Variants in GSN observed in about 807,000 individuals in gnomAD.
GSN encodes the protein gelsolin, also known as actin-depolymerizing factor.
A neutral mutation model predicts 85.7 loss-of-function variants in GSN; 56 were observed. The ratio of observed to expected loss-of-function variants is 0.65; its 90% confidence interval spans 0.53 to 0.82. The LOEUF (loss-of-function observed/expected upper bound fraction) is 0.82. GSN is among the 40% of genes least tolerant of loss of function. GSN has a pLI of 0.00. For synonymous variants in GSN, 373 were observed against 399.1 expected (o/e 0.93, Z 0.78); for missense variants, 857 against 979.8 (o/e 0.87, Z 1.67).
upstream of GSN, among the ~76,000 whole-genome samples, chr9:121,266,624 T>G (rs571245176): frequency 8.1e-4 from 123 of 152,276 alleles, no homozygotes; most frequent in Non-Finnish European, 1.6e-3. Context: ...GGCCAAGGAC[T>G]CAGGCATAGA....
At chr9:121,266,762 G>A (rs1286892551), upstream of GSN, among the ~76,000 whole-genome samples, 1 of 152,162 alleles carries the variant, frequency 6.6e-6, no homozygotes, top group Admixed American at 6.5e-5. Context: ...AGGGAGGTGA[G>A]AATTAAAGTC....
intron 3 of GSN, among the ~76,000 whole-genome samples, chr9:121,302,674 A>C (rs1272367831): frequency 6.6e-6 from 1 of 152,168 alleles, no homozygotes; most frequent in Non-Finnish European, 1.5e-5. Flanking sequence ...GTTTACGCTC[A>C]GGAGGGCTGA....
chr9:121,307,570 A>G (rs1322456081), intron 4 of GSN, among the ~76,000 whole-genome samples: 3 of 152,214 alleles, frequency 2.0e-5, no homozygotes, highest in African/African-American at 7.2e-5. Context: ...TCTGGACACA[A>G]TGCTTAATCT....
At chr9:121,294,253 CTTG>C (rs2058995940) in intron 2 of GSN, among the ~76,000 whole-genome samples, 1 of 152,160 alleles carries the variant, frequency 6.6e-6, no homozygotes, top group South Asian at 2.1e-4. Context: ...GCCTCCCTGT[CTTG>C]TTGTGGATTT....
chr9:121,332,728 T>TC lies in GSN; in HGVS notation c.*125_*126insC. 9 of 615,114 alleles carry TC rather than the reference T, an allele frequency of 1.5e-5. No individual in the cohort carries two copies. The East Asian group carries it at 3.0e-4, about 21-fold the overall frequency. 38.1% of individuals were successfully genotyped at this position (615,114 alleles called of 1,614,324 possible). On this transcript the variant is annotated 3_prime_UTR_variant, in exon 18 of 18. Coordinates refer to ENST00000432226, the MANE Select transcript of GSN (RefSeq NM_198252.3). The surrounding 1 kb of genome is among the most constrained non-coding windows in gnomAD (Gnocchi z 4.8). ...TGTGTGTGTGTGTGTGTTGTTTCTT[T>TC]TTTTTTTTTTTACAGTATCCAAAAA...
chr9:121,255,725 ATCT>A (rs1433321118), intron 6 of GSN, among the ~76,000 whole-genome samples: 1 of 152,182 alleles, frequency 6.6e-6, no homozygotes, highest in Non-Finnish European at 1.5e-5. Context: ...TATTTAAATA[ATCT>A]TCTTTTGGTG....
upstream of GSN, chr9:121,265,330 C>T (rs1393061695): frequency 6.6e-6 from 1 of 152,254 alleles, no homozygotes; most frequent in African/African-American, 2.4e-5. Context: ...AGTCATTTAA[C>T]GAGCCTCATT....
At chr9:121,258,487 A>G in intron 6 of GSN, among the ~76,000 whole-genome samples, 1 of 152,144 alleles carries the variant, frequency 6.6e-6, no homozygotes, top group Non-Finnish European at 1.5e-5. Context: ...AACTATATTG[A>G]AGATATTTAA....
chr9:121,323,984 C>T (rs1245214886), intron 11 of GSN, among the ~76,000 whole-genome samples: 1 of 152,062 alleles, frequency 6.6e-6, no homozygotes, highest in Admixed American at 6.5e-5. Flanking sequence ...TTTGCTTATA[C>T]GACGACATAT....
intron 4 of GSN, 67 bp downstream of exon 4, chr9:121,303,132 C>G (rs149721923): frequency 6.6e-7 from 1 of 1,511,216 alleles, no homozygotes; most frequent in African/African-American, 1.4e-5. Flanking sequence ...TCACTCAGGC[C>G]CATCTATCTT....
At chr9:121,320,666 A>C (rs1240370617) in intron 10 of GSN, among the ~76,000 whole-genome samples, 2 of 151,688 alleles carry the variant, frequency 1.3e-5, no homozygotes, top group Non-Finnish European at 2.9e-5. Flanking sequence ...AAAAAAAAAA[A>C]GAAAAAAAGA....
intron 1 of GSN, among the ~76,000 whole-genome samples, chr9:121,268,603 C>T (rs2055421326): frequency 6.6e-6 from 1 of 152,204 alleles, no homozygotes; most frequent in Non-Finnish European, 1.5e-5. Context: ...ACGGTCTGGG[C>T]GGTGACTCTG....
At position 121,323,371 on chromosome 9, in the gene GSN, G is replaced by GTTTTTTTT. The variant is rs59056849; in HGVS notation, c.1326-1172_1326-1165dup. Among the ~76,000 whole-genome samples, 38 of 117,718 alleles carry GTTTTTTTT rather than the reference G, an allele frequency of 3.2e-4. 3 individuals carry two copies. Among genetic ancestry groups the GTTTTTTTT allele is most frequent in the African/African-American group, 3.5e-4 (11 of 31,360 alleles). 77.2% of individuals were successfully genotyped at this position (117,718 alleles called of 152,430 possible). On this transcript the variant is annotated intron_variant, in intron 11 of 17. Transcript: ENST00000432226. ...AAATTTCCTCAGTTTTCCCATTACCGTTTTTTTTTTTTTTTTTTAGACAGA... is the reference window on the plus strand; with the variant it reads ...AAATTTCCTCAGTTTTCCCATTACCGTTTTTTTTTTTTTTTTTTTTTTTTTTAGACAGA...
intron 2 of GSN, chr9:121,281,784 G>A (rs149849212): frequency 1.9e-5 from 9 of 471,192 alleles, no homozygotes; most frequent in Admixed American, 1.4e-4. Context: ...AGGAGGCCGG[G>A]ACTGGGCTCG....
intron 4 of GSN, among the ~76,000 whole-genome samples, chr9:121,304,146 A>G (rs2060172549): frequency 6.6e-6 from 1 of 152,206 alleles, no homozygotes; most frequent in Non-Finnish European, 1.5e-5. Flanking sequence ...AGGATCATCT[A>G]TGTCAATGGA....
intron 5 of GSN, among the ~76,000 whole-genome samples, chr9:121,231,830 A>G (rs2054393747): frequency 6.6e-6 from 1 of 152,208 alleles, no homozygotes; most frequent in Non-Finnish European, 1.5e-5. Context: ...CTGTAATCCC[A>G]GCACTTTGGG....
At chr9:121,282,502 T>G in intron 2 of GSN, 1 of 1,257,408 alleles carries the variant, frequency 8.0e-7, no homozygotes, top group Non-Finnish European at 1.0e-6. Flanking sequence ...TTCCAGATGG[T>G]GACATGAGCC....
intron 2 of GSN, chr9:121,282,417 G>A (rs952709802): frequency 1.9e-5 from 22 of 1,132,350 alleles, no homozygotes; most frequent in Middle Eastern, 3.2e-4. Context: ...TCCAACCCAC[G>A]CCATCCCTTT....
intron 2 of GSN, among the ~76,000 whole-genome samples, chr9:121,289,929 C>T (rs186208160): frequency 6.6e-6 from 1 of 152,232 alleles, no homozygotes; most frequent in African/African-American, 2.4e-5. Flanking sequence ...GAGTGACAGG[C>T]CCAGTGCAGA....
Sources: gnomAD v4.1 joint callset for allele counts (sites outside exome capture counted in the v4.1 genomes callset) on GRCh38, gnomAD v4.1.1 for gene constraint, Gnocchi (gnomAD v3.1) non-coding constraint, MANE v1.5 for transcripts, NCBI Gene and HGNC (gene_info 2026-07-23, HGNC 2026-07-21) for gene names.